Variants in GRID2 observed in about 807,000 individuals in gnomAD.
The protein encoded by GRID2 is glutamate receptor ionotropic, delta-2.
Under a neutral mutation model 114.8 loss-of-function variants are expected in GRID2, and 33 were observed. The observed-to-expected ratio is 0.29, with a 90% CI of 0.22 to 0.38. The LOEUF (loss-of-function observed/expected upper bound fraction) is 0.38. Among genes scored for constraint, GRID2 ranks in the 10% least tolerant of loss-of-function variants. The pLI is 1.00. For synonymous variants in GRID2, 505 were observed against 449.9 expected (o/e 1.12, Z -1.55); for missense variants, 1,184 against 1,257.7 (o/e 0.94, Z 0.89).
chr4:93,280,615 T>G (rs1419305171), intron 8 of GRID2, among the ~76,000 whole-genome samples: 1 of 151,948 alleles, frequency 6.6e-6, no homozygotes, highest in Non-Finnish European at 1.5e-5. Context: ...GTGGTTTACA[T>G]CCCACTTATT....
chr4:92,652,963 CAT>C lies in GRID2; in HGVS notation c.244+62680_244+62681del, dbSNP rs1322961079. On this transcript the variant is annotated intron_variant, in intron 2 of 15. Transcript: ENST00000282020. ...ACATATATTTATAAATATATATAAA[CAT>C]ATTTATAAATACATATAAATATATA... is the stretch of plus-strand genomic sequence containing the variant. 1.1e-4 allele frequency among the ~76,000 whole-genome samples: 12 copies of C among 108,666 alleles called. 1 individual carries two copies. The highest frequency in any genetic ancestry group is 2.7e-4 in the East Asian group (1 of 3,700). 71.3% of individuals were successfully genotyped at this position (108,666 alleles called of 152,430 possible). A position where few individuals can be genotyped will look rare whatever the true frequency, so the allele number is the denominator to read the frequency against.
intron 2 of GRID2, among the ~76,000 whole-genome samples, chr4:92,706,520 T>TTTG (rs1734965109): frequency 6.7e-6 from 1 of 149,470 alleles, no homozygotes; most frequent in Non-Finnish European, 1.5e-5. Flanking sequence ...ACCACTCAAA[T>TTTG]AGTGGTTATC....
intron 2 of GRID2, among the ~76,000 whole-genome samples, chr4:92,966,041 T>A (rs1273603194): frequency 1.3e-5 from 2 of 151,946 alleles, no homozygotes; most frequent in Non-Finnish European, 2.9e-5. Context: ...ATGTGGCAGA[T>A]TCAGGAGGAA....
rs1348987312 is a variant in GRID2 at position 93,240,948 on chromosome 4, T to C, written c.1245+2458T>C. 4.0e-5 allele frequency among the ~76,000 whole-genome samples: 6 copies of C among 151,652 alleles called. No individual in the cohort carries two copies. In the South Asian group the frequency reaches 8.3e-4, roughly 21 times the overall value. ...CAGAAAGTGCCATTATTCCTGTTTT[T>C]ATTATTAGAAGCACAGACAGTTTGC... On this transcript the variant is annotated intron_variant, in intron 8 of 15. Transcript: ENST00000282020.
At chr4:93,684,780 C>T (rs1725925487) in intron 14 of GRID2, among the ~76,000 whole-genome samples, 1 of 152,048 alleles carries the variant, frequency 6.6e-6, no homozygotes, top group Non-Finnish European at 1.5e-5. Context: ...TCTTGCTAAA[C>T]TGACTTAGCA....
intron 2 of GRID2, among the ~76,000 whole-genome samples, chr4:92,884,193 C>T (rs1746211475): frequency 6.6e-6 from 1 of 152,164 alleles, no homozygotes; most frequent in Non-Finnish European, 1.5e-5. Context: ...CCTTAAAACC[C>T]ATGAAACCAT....
intron 2 of GRID2, among the ~76,000 whole-genome samples, chr4:92,860,255 C>T (rs1356275949): frequency 3.9e-5 from 6 of 152,028 alleles, no homozygotes; most frequent in Admixed American, 2.0e-4. Flanking sequence ...AACATTGTGT[C>T]CACCTAACAA....
At chr4:93,073,792 TG>T (rs1370535567) in intron 2 of GRID2, among the ~76,000 whole-genome samples, 6 of 152,272 alleles carry the variant, frequency 3.9e-5, no homozygotes, top group African/African-American at 1.4e-4. Context: ...TGGCACATTC[TG>T]GGAGGCAGGA....
intron 4 of GRID2, among the ~76,000 whole-genome samples, chr4:93,161,882 T>C (rs1737717078): frequency 6.6e-6 from 1 of 151,832 alleles, no homozygotes; most frequent in Non-Finnish European, 1.5e-5. Flanking sequence ...CTTATTAATA[T>C]CTATAGTTAT....
chr4:93,555,200 G>C (rs1734191169), intron 13 of GRID2, among the ~76,000 whole-genome samples: 1 of 152,162 alleles, frequency 6.6e-6, no homozygotes, highest in Non-Finnish European at 1.5e-5. Flanking sequence ...CAGATACCAA[G>C]CTAGCTTCAG....
chr4:92,416,163 AC>A (rs754090208), intron 1 of GRID2, among the ~76,000 whole-genome samples: 2 of 152,000 alleles, frequency 1.3e-5, no homozygotes, highest in Non-Finnish European at 2.9e-5. Context: ...TTAGTGAGGA[AC>A]AATTTTTTTC....
intron 10 of GRID2, among the ~76,000 whole-genome samples, chr4:93,426,935 TG>T (rs1768906447): frequency 6.6e-6 from 1 of 151,930 alleles, no homozygotes; most frequent in Non-Finnish European, 1.5e-5. Flanking sequence ...ATTAAGCAGG[TG>T]GAGGAGAAGA....
chr4:93,404,418 A>G (rs565380042), intron 9 of GRID2, among the ~76,000 whole-genome samples: 2 of 152,106 alleles, frequency 1.3e-5, no homozygotes, highest in African/African-American at 4.8e-5. Context: ...GCTACTTTTT[A>G]AAAAAGAGAG....
intron 14 of GRID2, among the ~76,000 whole-genome samples, chr4:93,668,932 A>G (rs1327866981): frequency 6.6e-6 from 1 of 152,108 alleles, no homozygotes; most frequent in African/African-American, 2.4e-5. Context: ...AGCTTTGGAT[A>G]GTTACTTCGT....
At chr4:92,371,597 A>G (rs1004043251) in intron 1 of GRID2, among the ~76,000 whole-genome samples, 5 of 152,202 alleles carry the variant, frequency 3.3e-5, no homozygotes, top group Non-Finnish European at 5.9e-5. Context: ...CCTACTGCTC[A>G]GAAGAAAAGA....
intron 2 of GRID2, among the ~76,000 whole-genome samples, chr4:92,962,919 G>A (rs1409380303): frequency 6.6e-6 from 1 of 151,928 alleles, no homozygotes; most frequent in Non-Finnish European, 1.5e-5. Flanking sequence ...GACATTGAAG[G>A]TTCAGTTCCA....
intron 8 of GRID2, among the ~76,000 whole-genome samples, chr4:93,295,013 G>A (rs72874938): frequency 0.054 from 8,223 of 152,168 alleles, 751 homozygotes; most frequent in African/African-American, 0.19. Flanking sequence ...AGGAAGGACA[G>A]GTGTCCTTTA....
At chr4:93,469,456 A>G (rs1724597578) in intron 11 of GRID2, among the ~76,000 whole-genome samples, 1 of 151,812 alleles carries the variant, frequency 6.6e-6, no homozygotes, top group Non-Finnish European at 1.5e-5. Flanking sequence ...TATTATTTTT[A>G]TTTATTTAAA....
chr4:92,719,018 G>A (rs1243156890), intron 2 of GRID2, among the ~76,000 whole-genome samples: 6 of 150,476 alleles, frequency 4.0e-5, no homozygotes, highest in African/African-American at 1.2e-4. Flanking sequence ...ATGGAGTCTC[G>A]CTCTGTCACC....
Sources: gnomAD v4.1 joint callset for allele counts (sites outside exome capture counted in the v4.1 genomes callset) on GRCh38, gnomAD v4.1.1 for gene constraint, MANE v1.5 for transcripts, NCBI Gene and HGNC (gene_info 2026-07-23, HGNC 2026-07-21) for gene names.